The following EDIL3 variants were observed in gnomAD, a reference collection of about 807,000 sequenced individuals.
EDIL3 encodes the protein EGF like and discoidin domains 3, also known as EGF-like repeat and discoidin I-like domain-containing protein 3.
Under a neutral mutation model 67.4 loss-of-function variants are expected in EDIL3, and 37 were observed. That is an observed-to-expected ratio of 0.55 (90% CI 0.42 to 0.72). The LOEUF is 0.72. EDIL3 is among the 30% of genes least tolerant of loss of function. The pLI, the probability that EDIL3 is intolerant of heterozygous loss-of-function variation, is 0.00. For missense variants in EDIL3, 527 were observed against 586.3 expected (o/e 0.90, Z 1.04); for synonymous variants, 195 against 196.3 (o/e 0.99, Z 0.05).
intron 9 of EDIL3, among the ~76,000 whole-genome samples, chr5:84,050,327 T>A (rs10491384): frequency 6.6e-6 from 1 of 152,116 alleles, no homozygotes; most frequent in African/African-American, 2.4e-5. Context: ...AAAATGAGAT[T>A]TGAGGCAGTT....
chr5:84,099,905 G>C (rs1010707573), intron 6 of EDIL3, among the ~76,000 whole-genome samples: 1 of 151,720 alleles, frequency 6.6e-6, no homozygotes, highest in Non-Finnish European at 1.5e-5. Context: ...CCATCAAAAA[G>C]TGGTCAAAGG....
intron 10 of EDIL3, among the ~76,000 whole-genome samples, chr5:83,959,740 G>A (rs1264614508): frequency 6.6e-6 from 1 of 150,712 alleles, no homozygotes; most frequent in Non-Finnish European, 1.5e-5. Flanking sequence ...TTGCTAAGTA[G>A]TATTGAGCCC....
intron 6 of EDIL3, among the ~76,000 whole-genome samples, chr5:84,084,148 TTAGGAGGGAAAA>T (rs1747026787): frequency 6.6e-6 from 1 of 152,176 alleles, no homozygotes; most frequent in Admixed American, 6.5e-5. Context: ...TATTTGAAAT[TTAGGAGGGAAAA>T]TATAGAGTAT....
At chr5:84,204,954 C>T (rs1476766175) in intron 3 of EDIL3, among the ~76,000 whole-genome samples, 3 of 152,044 alleles carry the variant, frequency 2.0e-5, no homozygotes, top group Non-Finnish European at 4.4e-5. Flanking sequence ...GCTCTGTTGC[C>T]CAGGCTGGAG....
At chr5:84,297,632 G>A (rs1746076913) in intron 1 of EDIL3, among the ~76,000 whole-genome samples, 2 of 152,170 alleles carry the variant, frequency 1.3e-5, no homozygotes, top group East Asian at 3.9e-4. Flanking sequence ...TGGAGGCTGA[G>A]GAGGCTGAGA....
chr5:84,051,959 T>C (rs7446952), intron 9 of EDIL3, among the ~76,000 whole-genome samples: 46,749 of 151,904 alleles, frequency 0.31, 7,324 homozygotes, highest in African/African-American at 0.36. Context: ...ATACAGAGAA[T>C]GCCACAAAGA....
chr5:84,160,557 A>G (rs1748584465), intron 4 of EDIL3, among the ~76,000 whole-genome samples: 2 of 152,080 alleles, frequency 1.3e-5, no homozygotes, highest in Admixed American at 1.3e-4. Context: ...TCCCTCTTCC[A>G]GAACAGTGCC....
chr5:84,021,483 T>C (rs1458979396), intron 9 of EDIL3, among the ~76,000 whole-genome samples: 4 of 152,046 alleles, frequency 2.6e-5, no homozygotes, highest in Non-Finnish European at 4.4e-5. Flanking sequence ...AGGAGCATAC[T>C]GTTTAGTTTC....
chr5:83,994,381 T>A (rs1580270084), intron 9 of EDIL3, among the ~76,000 whole-genome samples: 2 of 19,184 alleles, frequency 1.0e-4, no homozygotes, highest in Non-Finnish European at 1.6e-4. Flanking sequence ...TTCACAAGGC[T>A]TTTTTTTTTT....
At chr5:84,079,189 C>CA (rs1746919265) in intron 6 of EDIL3, among the ~76,000 whole-genome samples, 3 of 152,056 alleles carry the variant, frequency 2.0e-5, no homozygotes, top group Admixed American at 2.0e-4. Context: ...TCCCATATCT[C>CA]ACCCTATGCT....
chr5:84,004,470 A>G (rs1580274859), intron 9 of EDIL3, among the ~76,000 whole-genome samples: 1 of 152,236 alleles, frequency 6.6e-6, no homozygotes, highest in East Asian at 1.9e-4. Flanking sequence ...ATTATACCAA[A>G]CATACTCTCA....
intron 6 of EDIL3, among the ~76,000 whole-genome samples, chr5:84,083,334 T>C (rs1747011373): frequency 6.6e-6 from 1 of 152,114 alleles, no homozygotes; most frequent in African/African-American, 2.4e-5. Flanking sequence ...AAGCCTGGAA[T>C]TGGGAGTCCT....
chr5:84,303,079 T>G (rs1271811691), intron 1 of EDIL3, among the ~76,000 whole-genome samples: 1 of 152,212 alleles, frequency 6.6e-6, no homozygotes. Context: ...CTATCCTTTG[T>G]GTAATCTCAG....
intron 1 of EDIL3, among the ~76,000 whole-genome samples, chr5:84,288,505 C>T (rs925035516): frequency 1.3e-5 from 2 of 152,016 alleles, no homozygotes; most frequent in Non-Finnish European, 2.9e-5. Flanking sequence ...CAGGCCCTGA[C>T]CAACTGAAAT....
At chr5:84,312,425 C>A (rs1746422596) in intron 1 of EDIL3, among the ~76,000 whole-genome samples, 1 of 142,934 alleles carries the variant, frequency 7.0e-6, no homozygotes, top group African/African-American at 2.6e-5. Flanking sequence ...GCTGGCCGGG[C>A]AGAGGGGCTC....
At chr5:84,366,237 C>T (rs1323930247) in intron 1 of EDIL3, among the ~76,000 whole-genome samples, 13 of 152,122 alleles carry the variant, frequency 8.5e-5, no homozygotes, top group Admixed American at 6.6e-4. Flanking sequence ...ACTATACTGT[C>T]GCCACCAGCA....
chr5:84,000,891 A>G (rs1344075959), intron 9 of EDIL3, among the ~76,000 whole-genome samples: 3 of 151,576 alleles, frequency 2.0e-5, no homozygotes, highest in African/African-American at 7.3e-5. Context: ...AAATAAATAA[A>G]TTTTATTTAT....
At chr5:84,007,840 G>A (rs147072602) in intron 9 of EDIL3, among the ~76,000 whole-genome samples, 15 of 152,252 alleles carry the variant, frequency 9.9e-5, no homozygotes, top group African/African-American at 2.2e-4. Context: ...CAGGTTTATT[G>A]CAGTATTATT....
At chr5:84,322,340 T>C (rs746140090) in intron 1 of EDIL3, among the ~76,000 whole-genome samples, 2 of 151,952 alleles carry the variant, frequency 1.3e-5, no homozygotes, top group Non-Finnish European at 2.9e-5. Flanking sequence ...GAAAATAATT[T>C]ATTTAAAAAA....
Sources: allele counts gnomAD v4.1 joint callset (sites outside exome capture counted in the v4.1 genomes callset), GRCh38; gene constraint gnomAD v4.1.1; transcripts MANE v1.5; gene names NCBI Gene and HGNC (gene_info 2026-07-23, HGNC 2026-07-21).